The following LGR6 variants were observed in gnomAD, a reference collection of about 807,000 sequenced individuals.
The protein encoded by LGR6 is leucine-rich repeat-containing G protein-coupled receptor 6.
A neutral mutation model predicts 69.4 loss-of-function variants in LGR6; 45 were observed. That is an observed-to-expected ratio of 0.65 (90% CI 0.51 to 0.83). The LOEUF (loss-of-function observed/expected upper bound fraction) is 0.83. Ranked by LOEUF, LGR6 falls within the 40% of genes least tolerant of loss-of-function variation. The probability of loss-of-function intolerance (pLI) is 0.00; values close to 1 mark genes in which losing one functional copy is unlikely to be tolerated. For missense variants in LGR6, 1,108 were observed against 1,246.7 expected (o/e 0.89, Z 1.68); for synonymous variants, 538 against 555.0 (o/e 0.97, Z 0.43).
At chr1:202,255,536 C>T (rs1471947089) in intron 4 of LGR6, among the ~76,000 whole-genome samples, 5 of 152,186 alleles carry the variant, frequency 3.3e-5, no homozygotes, top group African/African-American at 9.7e-5. Context: ...ACTCCCTTGC[C>T]GGCCCCCCTT....
intron 9 of LGR6, among the ~76,000 whole-genome samples, chr1:202,302,778 C>G (rs879664573): frequency 6.6e-6 from 1 of 152,050 alleles, no homozygotes; most frequent in African/African-American, 2.4e-5. Flanking sequence ...AACTCCTGAC[C>G]TCAGGTGATC....
chr1:202,269,744 GACC>G (rs926639724), intron 4 of LGR6, among the ~76,000 whole-genome samples: 17 of 152,196 alleles, frequency 1.1e-4, no homozygotes, highest in Non-Finnish European at 1.6e-4. Context: ...CTAGGGAGGG[GACC>G]CAAGTCGTGG....
At chr1:202,282,704 A>G (rs1666104552) in intron 6 of LGR6, among the ~76,000 whole-genome samples, 1 of 152,206 alleles carries the variant, frequency 6.6e-6, no homozygotes, top group Non-Finnish European at 1.5e-5. Flanking sequence ...TGGCGCCTCT[A>G]AAAAACCAAC....
chr1:202,285,919 A>G (rs913048831), intron 6 of LGR6, among the ~76,000 whole-genome samples: 8 of 152,234 alleles, frequency 5.3e-5, no homozygotes, highest in South Asian at 2.1e-4. Context: ...AATCTATTCC[A>G]TGCCTCTCAC....
At chr1:202,288,736 C>T (rs1405112667) in intron 6 of LGR6, among the ~76,000 whole-genome samples, 1 of 152,210 alleles carries the variant, frequency 6.6e-6, no homozygotes, top group African/African-American at 2.4e-5. Flanking sequence ...ATGGACTGAA[C>T]CCACGAGGAT....
chr1:202,295,157 A>G (rs1571984089), intron 6 of LGR6, among the ~76,000 whole-genome samples: 1 of 151,918 alleles, frequency 6.6e-6, no homozygotes, highest in South Asian at 2.1e-4. Context: ...GTGAAACCCC[A>G]TCTCTACTAA....
Position 202,306,856 on chromosome 1 carries a change from TTGC to T in LGR6, c.1137-8_1137-6del. The T allele has an allele frequency of 6.2e-7, 1 of 1,613,794 alleles. No homozygotes were observed. The highest frequency in any genetic ancestry group is 8.5e-7 in the Non-Finnish European group (1 of 1,179,786). On this transcript the variant is annotated splice_polypyrimidine_tract_variant and intron_variant, in intron 12 of 17. Transcript: ENST00000367278. ...AGCCTGCCGGCTCATCCAGCCTCTC[TTGC>T]TGCCCTAGCGGCCTCCAACACAACC...
chr1:202,272,927 ATC>A (rs1665227112), intron 4 of LGR6, among the ~76,000 whole-genome samples: 2 of 152,006 alleles, frequency 1.3e-5, no homozygotes, highest in African/African-American at 2.4e-5. Flanking sequence ...CTCAGCCACA[ATC>A]TCTGCCCTGG....
At chr1:202,231,404 C>T (rs1363686646) in intron 3 of LGR6, among the ~76,000 whole-genome samples, 1 of 152,190 alleles carries the variant, frequency 6.6e-6, no homozygotes, top group Non-Finnish European at 1.5e-5. Context: ...GCTGCCCTCT[C>T]TGAGTCACCC....
chr1:202,215,561 G>A (rs1659720170), intron 1 of LGR6, among the ~76,000 whole-genome samples: 2 of 152,138 alleles, frequency 1.3e-5, no homozygotes, highest in African/African-American at 4.8e-5. Flanking sequence ...GGTGAGTCAG[G>A]GGAGACCAGG....
rs559421201 is a variant in LGR6 at position 202,231,693 on chromosome 1, G to A, written c.356+3686G>A. The stretch of plus-strand genomic sequence containing the variant: ...TTTGTAGTTCATACACATGATGATC[G>A]GTGTTCACACTCATACGTGTGATGT... On this transcript the variant is annotated intron_variant, in intron 3 of 17. Coordinates refer to ENST00000367278, the MANE Select transcript of LGR6 (RefSeq NM_001017403.2). Among the ~76,000 whole-genome samples the A allele has an allele frequency of 3.1e-4, 47 of 152,320 alleles. No homozygotes were observed. In the South Asian group the frequency reaches 3.3e-3, roughly 11 times the overall value.
At chr1:202,316,560 G>T (rs1654159707) in intron 17 of LGR6, among the ~76,000 whole-genome samples, 1 of 152,078 alleles carries the variant, frequency 6.6e-6, no homozygotes, top group South Asian at 2.1e-4. Flanking sequence ...GATAACAACA[G>T]TAAAATCTTA....
intron 5 of LGR6, among the ~76,000 whole-genome samples, chr1:202,277,008 C>A (rs764718614): frequency 1.3e-5 from 2 of 152,094 alleles, no homozygotes; most frequent in African/African-American, 2.4e-5. Flanking sequence ...ACTGTAATTA[C>A]CTGGGAGATA....
rs184343559 is a variant in LGR6 at position 202,300,842 on chromosome 1, C to A, written c.786-7C>A. 253 of 1,605,350 alleles carry A rather than the reference C, an allele frequency of 1.6e-4. 1 individual carries two copies. In the East Asian group the frequency reaches 5.0e-3, roughly 31 times the overall value. On this transcript the variant is annotated splice_region_variant and splice_polypyrimidine_tract_variant and intron_variant, in intron 7 of 17. Transcript: ENST00000367278. ...AATCCTCACTGGTTCCTGGTGTTGT[C>A]TTCCAGGGGGTTCCATAACAACAAC...
chr1:202,241,894 G>T (rs1449093672), intron 4 of LGR6, among the ~76,000 whole-genome samples: 1 of 152,154 alleles, frequency 6.6e-6, no homozygotes. Context: ...ATTGTCTAGA[G>T]CCGGGGAAAT....
intron 1 of LGR6, among the ~76,000 whole-genome samples, chr1:202,215,712 G>A (rs765298141): frequency 1.5e-4 from 23 of 152,200 alleles, no homozygotes; most frequent in Non-Finnish European, 2.6e-4. Flanking sequence ...CAGGTGGGAT[G>A]CCCACCCCTC....
chr1:202,208,628 AC>A (rs1052306156), intron 1 of LGR6, among the ~76,000 whole-genome samples: 2 of 149,432 alleles, frequency 1.3e-5, no homozygotes, highest in Non-Finnish European at 3.0e-5. Context: ...AGGAATGCCT[AC>A]CCCCCCGCCA....
chr1:202,198,136 G>A (rs1335713339), intron 1 of LGR6, among the ~76,000 whole-genome samples: 1 of 152,186 alleles, frequency 6.6e-6, no homozygotes, highest in Non-Finnish European at 1.5e-5. Context: ...GTGTGCATAT[G>A]TGTCTGTGTG....
intron 1 of LGR6, 165 bp from the exon 2 acceptor site, chr1:202,225,258 G>C (rs1300615977): frequency 3.1e-6 from 2 of 642,322 alleles, no homozygotes; most frequent in East Asian, 5.6e-5. Context: ...CTTGCTCTTA[G>C]AGAGAACGCA....
Sources: gnomAD v4.1 joint callset for allele counts (sites outside exome capture counted in the v4.1 genomes callset) on GRCh38, gnomAD v4.1.1 for gene constraint, MANE v1.5 for transcripts, NCBI Gene and HGNC (gene_info 2026-07-23, HGNC 2026-07-21) for gene names.